VASN: variants seen among roughly 807,000 people sequenced by gnomAD.
VASN encodes protein slit-like 2.
In VASN, 5 loss-of-function variants were observed where a neutral mutation model predicts 4.8. That is an observed-to-expected ratio of 1.03 (90% CI 0.54 to 2.17). VASN has a LOEUF of 2.17. VASN is among the 30% of genes most tolerant of loss of function. The probability of loss-of-function intolerance (pLI) is 0.01; values close to 1 mark genes in which losing one functional copy is unlikely to be tolerated. For missense variants in VASN, 927 were observed against 948.8 expected (o/e 0.98, Z 0.30); for synonymous variants, 499 against 460.8 (o/e 1.08, Z -1.06).
chr16:4,377,852 G>C (rs1024786815), intron 1 of VASN, among the ~76,000 whole-genome samples: 15 of 152,186 alleles, frequency 9.9e-5, no homozygotes, highest in African/African-American at 3.6e-4. Context: ...AAGCAGGCTG[G>C]CTGCCGCCTG....
intron 1 of VASN, among the ~76,000 whole-genome samples, chr16:4,376,725 A>T (rs1224350743): frequency 6.6e-6 from 1 of 152,088 alleles, no homozygotes; most frequent in Non-Finnish European, 1.5e-5. Flanking sequence ...CTCCTTACTC[A>T]TAGGGCCCCT....
intron 1 of VASN, among the ~76,000 whole-genome samples, chr16:4,375,484 C>T (rs1464297041): frequency 6.6e-6 from 1 of 151,730 alleles, no homozygotes; most frequent in Non-Finnish European, 1.5e-5. Context: ...GGGTCTCACT[C>T]CTAGACATTC....
In VASN at chr16:4,381,323, G is replaced by C. The variant is rs751788527; in HGVS notation, c.446G>C (p.Arg149Pro). ...CCTGGTGCCTTCGACACGCTCGACC[G>C]CCTCCTGGAGCTCAAGCTGCAGGAC... Reference protein sequence around the residue: ...IQPGAFDTLDRLLELKLQDNE... With the variant: ...IQPGAFDTLDPLLELKLQDNE... The change falls in exon 2 of 2, where the codon CGC (arginine) becomes CCC (proline). Residue 149 changes from arginine to proline, a missense_variant. Physicochemically the swap from Arg to Pro is moderately radical, Grantham distance 103 (BLOSUM62 -2). Coordinates refer to ENST00000304735, the MANE Select transcript of VASN (RefSeq NM_138440.3). 6.2e-7 allele frequency: 1 copy of C among 1,610,572 alleles called. No individual in the cohort carries two copies. Among genetic ancestry groups the C allele is most frequent in the Non-Finnish European group, 8.5e-7 (1 of 1,179,144 alleles).
rs1166759014 is a variant in VASN, at chr16:4,381,232, A to G, written c.355A>G (p.Thr119Ala). 2 of 1,611,652 alleles carry G rather than the reference A, an allele frequency of 1.2e-6. No homozygotes were observed. Among genetic ancestry groups the G allele is most frequent in the Non-Finnish European group, 1.7e-6 (2 of 1,179,500 alleles). The part of the protein sequence containing the change: ...ANRLHEITNE[T>A]FRGLRRLERL... Reference sequence around the variant, plus strand: ...CAGGCTGCATGAAATCACCAATGAGACCTTCCGTGGCCTGCGGCGCCTCGA... The same window carrying G: ...CAGGCTGCATGAAATCACCAATGAGGCCTTCCGTGGCCTGCGGCGCCTCGA... The change falls in exon 2 of 2, where the codon ACC becomes GCC. Residue 119 changes from threonine to alanine, a missense_variant. By Grantham distance (58) the Thr-to-Ala change is moderately conservative. Transcript: ENST00000304735.
At position 4,381,377 on chromosome 16, in the gene VASN, G is replaced by A. The variant is rs767771193; in HGVS notation, c.500G>A (p.Arg167His). The stretch of plus-strand genomic sequence containing the variant: ...GAGCTGCGGGCACTGCCCCCGCTGC[G>A]CCTGCCCCGCCTGCTGCTGCTGGAC... ...DNELRALPPL[R>H]LPRLLLLDLS... Residue 167 changes from arginine to histidine, a missense_variant, in exon 2 of 2, where the codon CGC becomes CAC. Arg to His is a conservative substitution (Grantham distance 29). Transcript: ENST00000304735. 19 of 1,581,918 alleles carry A rather than the reference G, an allele frequency of 1.2e-5. No individual in the cohort carries two copies. The highest frequency in any genetic ancestry group is 9.5e-5 in the East Asian group (4 of 42,328).
chr16:4,382,642 G>T lies in VASN; in HGVS notation c.1765G>T (p.Ala589Ser). ...APALAAVLLAALAAVGAAYCV... is the reference protein window; with the variant it reads ...APALAAVLLASLAAVGAAYCV... ...CGCCCTGGCCGCGGTGCTCCTGGCC[G>T]CGCTGGCTGCGGTGGGGGCAGCCTA... The change falls in exon 2 of 2, where the codon GCG (alanine) becomes TCG (serine). Residue 589 changes from alanine (A) to serine (S), a missense_variant. Coordinates refer to ENST00000304735, the MANE Select transcript of VASN (RefSeq NM_138440.3). 1.3e-6 allele frequency: 2 copies of T among 1,557,268 alleles called. No individual in the cohort carries two copies. The highest frequency in any genetic ancestry group is 1.7e-6 in the Non-Finnish European group (2 of 1,152,952).
chr16:4,374,424 G>C (rs2054646032), intron 1 of VASN, among the ~76,000 whole-genome samples: 1 of 152,172 alleles, frequency 6.6e-6, no homozygotes. Context: ...CGAGGGGCCA[G>C]TTATTCTTCA....
At chr16:4,378,675 A>G (rs1198479473) in intron 1 of VASN, among the ~76,000 whole-genome samples, 1 of 151,968 alleles carries the variant, frequency 6.6e-6, no homozygotes, top group East Asian at 1.9e-4. Context: ...TTGGGGTGCT[A>G]ACTTCTTCCA....
rs1230017183 is a variant in VASN at position 4,382,678 on chromosome 16, C to T, written c.1801C>T (p.Arg601Trp). The T allele has an allele frequency of 3.9e-6, 6 of 1,546,536 alleles. No individual in the cohort carries two copies. Among genetic ancestry groups the T allele is most frequent in the Admixed American group, 2.0e-5 (1 of 50,918 alleles). Residue 601 changes from arginine (R) to tryptophan (W), a missense_variant, in exon 2 of 2, where the codon CGG (arginine) becomes TGG (tryptophan). Arg to Trp is a moderately radical substitution (Grantham distance 101). Transcript: ENST00000304735. ...AAVGAAYCVRRGRAMAAAAQD... is the reference protein window; with the variant it reads ...AAVGAAYCVRWGRAMAAAAQD... ...GGTGGGGGCAGCCTACTGTGTGCGG[C>T]GGGGGCGGGCCATGGCAGCAGCGGC...
chr16:4,372,703 G>C (rs2054580107), intron 1 of VASN, among the ~76,000 whole-genome samples: 1 of 152,186 alleles, frequency 6.6e-6, no homozygotes, highest in African/African-American at 2.4e-5. Context: ...GGACTGCTGA[G>C]GTCCCCTGTG....
At chr16:4,373,807 CCTCAGCAG>C (rs2054618586) in intron 1 of VASN, among the ~76,000 whole-genome samples, 1 of 152,130 alleles carries the variant, frequency 6.6e-6, no homozygotes, top group Admixed American at 6.5e-5. Flanking sequence ...GGAGCTCCCA[CCTCAGCAG>C]GCCAGACAGC....
Position 4,381,667 on chromosome 16 carries a change from G to C in VASN, c.790G>C (p.Ala264Pro). 1 of 1,605,052 alleles carries C rather than the reference G, an allele frequency of 6.2e-7. No individual in the cohort carries two copies. Among genetic ancestry groups the C allele is most frequent in the Non-Finnish European group, 8.5e-7 (1 of 1,176,984 alleles). ...GCGGCCCGAGGACCTGGCCGGCCTG[G>C]CTGCCCTGCAGGAGCTGGATGTGAG... ...QLRPEDLAGLAALQELDVSNL... is the reference protein window; with the variant it reads ...QLRPEDLAGLPALQELDVSNL... Residue 264 changes from alanine (A) to proline (P), a missense_variant, in exon 2 of 2, where the codon GCT becomes CCT. Coordinates refer to ENST00000304735, the MANE Select transcript of VASN (RefSeq NM_138440.3).
In VASN at chr16:4,381,664, C is replaced by G; in HGVS notation, c.787C>G (p.Leu263Val). ...AQLRPEDLAG[L>V]AALQELDVSN... ...GCTGCGGCCCGAGGACCTGGCCGGCCTGGCTGCCCTGCAGGAGCTGGATGT... is the reference window on the plus strand; with the variant it reads ...GCTGCGGCCCGAGGACCTGGCCGGCGTGGCTGCCCTGCAGGAGCTGGATGT... The change falls in exon 2 of 2, where the codon CTG (leucine) becomes GTG (valine). Residue 263 changes from leucine to valine, a missense_variant. Coordinates refer to ENST00000304735, the MANE Select transcript of VASN (RefSeq NM_138440.3). The G allele has an allele frequency of 6.2e-7, 1 of 1,604,722 alleles. No individual in the cohort carries two copies. The highest frequency in any genetic ancestry group is 2.2e-5 in the East Asian group (1 of 44,658).
In VASN at chr16:4,382,169, T is replaced by G. The variant is rs752770408; in HGVS notation, c.1292T>G (p.Leu431Trp). The G allele has an allele frequency of 2.4e-5, 38 of 1,594,558 alleles. 2 individuals are homozygous for G. The South Asian group carries it at 4.1e-4, about 17-fold the overall frequency. ...HLGTRHHLAC[L>W]CPEGFTGLYC... ...GGGACACGGCACCACCTGGCGTGCT[T>G]GTGCCCCGAAGGCTTCACGGGCCTG... The change falls in exon 2 of 2, where the codon TTG (leucine) becomes TGG (tryptophan). Residue 431 changes from leucine (L) to tryptophan (W), a missense_variant. Coordinates refer to ENST00000304735, the MANE Select transcript of VASN (RefSeq NM_138440.3).
chr16:4,377,827 T>C (rs2141234245), intron 1 of VASN, among the ~76,000 whole-genome samples: 1 of 152,282 alleles, frequency 6.6e-6, no homozygotes, highest in African/African-American at 2.4e-5. Flanking sequence ...TCACCGCACA[T>C]TTTACGGGGC....
intron 1 of VASN, among the ~76,000 whole-genome samples, chr16:4,380,423 GC>G (rs1369384410): frequency 3.3e-5 from 5 of 152,230 alleles, no homozygotes; most frequent in African/African-American, 1.2e-4. Flanking sequence ...GCAGGAGCCG[GC>G]GGCCAAGGCA....
At position 4,381,978 on chromosome 16, in the gene VASN, GC is replaced by G; in HGVS notation, c.1104del (p.Thr369GlnfsTer32). On this transcript the variant is annotated frameshift_variant, in exon 2 of 2. Coordinates refer to ENST00000304735, the MANE Select transcript of VASN (RefSeq NM_138440.3). LOFTEE classifies it low-confidence loss of function (END_TRUNC). The part of the protein sequence containing the change: ...VPTTRPVVRE[P>X]TALSSSLAPT... ...CCACCACGAGGCCCGTGGTGCGGGA[GC>G]CCACAGCCTTGTCTTCTAGCTTGGC... 6.2e-7 allele frequency: 1 copy of G among 1,607,994 alleles called. No individual in the cohort carries two copies.
In VASN at chr16:4,381,246, G is replaced by C; in HGVS notation, c.369G>C (p.Leu123=). Residue 123 remains leucine (L), a synonymous_variant, in exon 2 of 2, where the codon CTG becomes CTC. Transcript: ENST00000304735. ...TCACCAATGAGACCTTCCGTGGCCT[G>C]CGGCGCCTCGAGCGCCTCTACCTGG... ...HEITNETFRG[L]RRLERLYLGK... is the part of the protein sequence containing the mutation. The C allele has an allele frequency of 1.2e-6, 2 of 1,611,880 alleles. No individual in the cohort carries two copies. The highest frequency in any genetic ancestry group is 1.6e-4 in the Middle Eastern group (1 of 6,062).
chr16:4,383,134 T>C lies in VASN; in HGVS notation c.*235T>C. ...CAGAACCGAGTGCCTATGAGGACAGTGTCCGCCCTGCCCTCCGCAACGTGC... is the reference window on the plus strand; with the variant it reads ...CAGAACCGAGTGCCTATGAGGACAGCGTCCGCCCTGCCCTCCGCAACGTGC... On this transcript the variant is annotated 3_prime_UTR_variant, in exon 2 of 2. Coordinates refer to ENST00000304735, the MANE Select transcript of VASN (RefSeq NM_138440.3). 1 of 514,746 alleles carries C rather than the reference T, an allele frequency of 1.9e-6. No individual in the cohort carries two copies. The highest frequency in any genetic ancestry group is 3.4e-6 in the Non-Finnish European group (1 of 290,602). 31.9% of individuals were successfully genotyped at this position (514,746 alleles called of 1,614,324 possible).
Sources: gnomAD v4.1 joint callset for allele counts (sites outside exome capture counted in the v4.1 genomes callset) on GRCh38, gnomAD v4.1.1 for gene constraint, MANE v1.5 for transcripts, NCBI Gene and HGNC (gene_info 2026-07-23, HGNC 2026-07-21) for gene names.